Variants in ASTN2 observed in about 807,000 individuals in gnomAD.
The protein encoded by ASTN2 is astrotactin 2, also known as astrotactin-2.
Under a neutral mutation model 139.8 loss-of-function variants are expected in ASTN2, and 54 were observed. The observed-to-expected ratio is 0.39, with a 90% confidence interval of 0.31 to 0.48. The LOEUF (loss-of-function observed/expected upper bound fraction) is 0.48, where lower values mean the gene tolerates loss of function less well. Among genes scored for constraint, ASTN2 ranks in the 20% least tolerant of loss-of-function variants. The probability of loss-of-function intolerance (pLI) is 0.95; values close to 1 mark genes in which losing one functional copy is unlikely to be tolerated. For synonymous variants in ASTN2, 756 were observed against 719.5 expected (o/e 1.05, Z -0.81); for missense variants, 1,565 against 1,725.1 (o/e 0.91, Z 1.64).
At chr9:116,790,804 A>G (rs2132221363) in intron 13 of ASTN2, among the ~76,000 whole-genome samples, 1 of 150,908 alleles carries the variant, frequency 6.6e-6, no homozygotes, top group South Asian at 2.1e-4. Context: ...CCTCCCGAGT[A>G]GCTGGGATTA....
intron 11 of ASTN2, among the ~76,000 whole-genome samples, chr9:116,837,521 T>C (rs749471820): frequency 6.6e-6 from 1 of 152,218 alleles, no homozygotes; most frequent in Non-Finnish European, 1.5e-5. Flanking sequence ...ACCTGCTCTT[T>C]GCTGCTTCCT....
intron 7 of ASTN2, among the ~76,000 whole-genome samples, chr9:117,006,953 C>A (rs1464060481): frequency 6.6e-6 from 1 of 152,088 alleles, no homozygotes; most frequent in Non-Finnish European, 1.5e-5. Flanking sequence ...CCCATCTCTA[C>A]TAAAAATACA....
At chr9:116,812,904 C>T (rs1339901587) in intron 12 of ASTN2, among the ~76,000 whole-genome samples, 1 of 152,128 alleles carries the variant, frequency 6.6e-6, no homozygotes. Context: ...AAAAAATTCC[C>T]ATCCTTGTAA....
chr9:116,616,960 C>CA (rs1855890068), intron 19 of ASTN2, among the ~76,000 whole-genome samples: 1 of 152,150 alleles, frequency 6.6e-6, no homozygotes, highest in African/African-American at 2.4e-5. Flanking sequence ...CATACAGAGT[C>CA]AAAAGTCAGA....
At chr9:116,533,112 T>C (rs566843920) in intron 19 of ASTN2, among the ~76,000 whole-genome samples, 9 of 152,094 alleles carry the variant, frequency 5.9e-5, no homozygotes, top group African/African-American at 1.4e-4. Flanking sequence ...ATTTTATTCT[T>C]TTTGAAGCAA....
At chr9:116,843,403 A>G (rs1832326281) in intron 11 of ASTN2, among the ~76,000 whole-genome samples, 2 of 152,128 alleles carry the variant, frequency 1.3e-5, no homozygotes, top group African/African-American at 4.8e-5. Flanking sequence ...CATGCCTGTA[A>G]TCCCAGTGCT....
In ASTN2 at chr9:116,698,172, G is replaced by A. The variant is rs760202414; in HGVS notation, c.2806+27599C>T. The stretch of plus-strand genomic sequence containing the variant: ...ACTCCCTGTCAAAGAAGCAGCTGAG[G>A]AGCGGCGTCGGGACTTTGGAGAGAA... On this transcript the variant is annotated intron_variant, in intron 16 of 22. Transcript: ENST00000313400. The surrounding 1 kb of genome is among the most constrained non-coding windows in gnomAD (Gnocchi z 4.4). 18 of 1,614,072 alleles carry A rather than the reference G, an allele frequency of 1.1e-5. No individual in the cohort carries two copies. In the South Asian group the frequency reaches 1.6e-4, roughly 15 times the overall value.
intron 3 of ASTN2, among the ~76,000 whole-genome samples, chr9:117,164,080 G>A (rs1220885962): frequency 6.7e-6 from 1 of 149,290 alleles, no homozygotes; most frequent in Non-Finnish European, 1.5e-5. Context: ...TAAACAATTG[G>A]TTTCATGCAT....
intron 1 of ASTN2, 113 bp from the exon 2 acceptor site, chr9:117,291,626 A>T (rs1186751844): frequency 1.1e-6 from 1 of 875,308 alleles, no homozygotes; most frequent in Admixed American, 2.9e-5. Context: ...TTTTGCCAGG[A>T]TACCTTTCCT....
chr9:116,773,071 T>A (rs1476084933), intron 13 of ASTN2, among the ~76,000 whole-genome samples: 1 of 139,700 alleles, frequency 7.2e-6, no homozygotes, highest in Non-Finnish European at 1.5e-5. Context: ...TTTTGGACAC[T>A]GGACCTCCAT....
At chr9:117,143,392 C>T (rs1356790277) in intron 3 of ASTN2, among the ~76,000 whole-genome samples, 1 of 152,108 alleles carries the variant, frequency 6.6e-6, no homozygotes, top group East Asian at 1.9e-4. Flanking sequence ...TCCGTAAACC[C>T]AGAGAGAAAA....
chr9:117,336,489 AT>A (rs1828887432), intron 1 of ASTN2, among the ~76,000 whole-genome samples: 1 of 152,116 alleles, frequency 6.6e-6, no homozygotes, highest in Admixed American at 6.6e-5. Flanking sequence ...AGATCTCTTG[AT>A]CCCCATCTCC....
At chr9:117,094,891 T>C (rs967838636) in intron 5 of ASTN2, among the ~76,000 whole-genome samples, 1 of 152,186 alleles carries the variant, frequency 6.6e-6, no homozygotes, top group South Asian at 2.1e-4. Flanking sequence ...GATGAAAAAC[T>C]GAGGCTTACA....
chr9:116,963,030 A>G (rs1215531043), intron 10 of ASTN2, among the ~76,000 whole-genome samples: 7 of 152,236 alleles, frequency 4.6e-5, no homozygotes, highest in Non-Finnish European at 1.0e-4. Flanking sequence ...GATTCGATCC[A>G]TGAACTCCAG....
intron 19 of ASTN2, among the ~76,000 whole-genome samples, chr9:116,542,702 C>A (rs1851924416): frequency 1.3e-5 from 2 of 152,082 alleles, no homozygotes; most frequent in Non-Finnish European, 2.9e-5. Flanking sequence ...GTGGGCTGAT[C>A]ACCTGAGCTC....
chr9:117,190,312 CA>C (rs1831311666), intron 3 of ASTN2, among the ~76,000 whole-genome samples: 1 of 152,126 alleles, frequency 6.6e-6, no homozygotes, highest in Non-Finnish European at 1.5e-5. Context: ...CAAGCAAAAA[CA>C]AAACAAAACA....
rs562021543 is a variant in ASTN2, at chr9:116,507,551, C to G, written c.3356-20051G>C. On this transcript the variant is annotated intron_variant, in intron 19 of 22. Transcript: ENST00000313400. The stretch of plus-strand genomic sequence containing the variant: ...GGCATGAGTTCCTAGAAGTATGCCT[C>G]CCATCCTCCCTCTGGACCACAATAT... Among the ~76,000 whole-genome samples, 15 of 152,274 alleles carry G rather than the reference C, an allele frequency of 9.9e-5. No homozygotes were observed. The East Asian group carries it at 2.9e-3, about 29-fold the overall frequency.
chr9:117,001,476 T>C (rs1281803705), intron 7 of ASTN2, among the ~76,000 whole-genome samples: 1 of 152,074 alleles, frequency 6.6e-6, no homozygotes, highest in Non-Finnish European at 1.5e-5. Flanking sequence ...TCAAAGTCTT[T>C]GGATCCTTAC....
rs757848093 is a variant in ASTN2 at position 116,597,299 on chromosome 9, A to ATTTTTTTTT, written c.3355+21016_3355+21024dup. 7.9e-4 allele frequency among the ~76,000 whole-genome samples: 60 copies of ATTTTTTTTT among 75,504 alleles called. 3 individuals are homozygous for ATTTTTTTTT. The highest frequency in any genetic ancestry group is 2.5e-3 in the African/African-American group (51 of 20,474). 49.5% of individuals were successfully genotyped at this position (75,504 alleles called of 152,430 possible). On this transcript the variant is annotated intron_variant, in intron 19 of 22. Coordinates refer to ENST00000313400, the MANE Select transcript of ASTN2 (RefSeq NM_001365068.1). Reference sequence around the variant, plus strand: ...CAAAATATTCCATGACTTTTGATCTATTTTTTTTTTTTTTTTTTTTTTTTG... The same window carrying ATTTTTTTTT: ...CAAAATATTCCATGACTTTTGATCTATTTTTTTTTTTTTTTTTTTTTTTTTTTTTTTTTG...
Sources: allele counts gnomAD v4.1 joint callset (sites outside exome capture counted in the v4.1 genomes callset), GRCh38; gene constraint gnomAD v4.1.1; non-coding constraint Gnocchi (gnomAD v3.1); transcripts MANE v1.5; gene names NCBI Gene and HGNC (gene_info 2026-07-23, HGNC 2026-07-21).